The following RTN4RL1 variants were observed in gnomAD, a reference collection of about 807,000 sequenced individuals.
The protein encoded by RTN4RL1 is reticulon 4 receptor like 1, also known as reticulon-4 receptor-like 1.
RTN4RL1 carries 7 observed loss-of-function variants against 25.6 expected under a neutral mutation model. That is an observed-to-expected ratio of 0.27 (90% CI 0.16 to 0.51). RTN4RL1 has a LOEUF of 0.51. Among genes scored for constraint, RTN4RL1 ranks in the 20% least tolerant of loss-of-function variants. The pLI, the probability that RTN4RL1 is intolerant of heterozygous loss-of-function variation, is 0.97. For missense variants in RTN4RL1, 500 were observed against 615.6 expected, an observed-to-expected ratio of 0.81 and a Z score of 1.99; for synonymous variants, 297 against 288.2, an observed-to-expected ratio of 1.03 and a Z score of -0.31.
chr17:1,946,161 G>A (rs1915533852), intron 1 of RTN4RL1, among the ~76,000 whole-genome samples: 1 of 152,216 alleles, frequency 6.6e-6, no homozygotes, highest in Non-Finnish European at 1.5e-5. Flanking sequence ...GGTTTTCCAG[G>A]ATGTGTGGGA....
chr17:1,971,255 C>A (rs1197812286), intron 1 of RTN4RL1, among the ~76,000 whole-genome samples: 1 of 152,106 alleles, frequency 6.6e-6, no homozygotes, highest in Non-Finnish European at 1.5e-5. Flanking sequence ...TTCACATGCT[C>A]TCTCTCCTGT....
At chr17:2,022,207 T>C (rs967225329) in intron 1 of RTN4RL1, among the ~76,000 whole-genome samples, 5 of 152,050 alleles carry the variant, frequency 3.3e-5, no homozygotes, top group African/African-American at 4.8e-5. Flanking sequence ...TCCTAGCTAC[T>C]TGGGAGGCTG....
At chr17:1,941,165 A>G (rs1915430667) in intron 1 of RTN4RL1, among the ~76,000 whole-genome samples, 1 of 152,186 alleles carries the variant, frequency 6.6e-6, no homozygotes, top group Non-Finnish European at 1.5e-5. Context: ...TCCAGGATGC[A>G]GTTCTCTGAA....
intron 1 of RTN4RL1, among the ~76,000 whole-genome samples, chr17:1,999,504 A>G (rs1462328789): frequency 6.6e-6 from 1 of 151,984 alleles, no homozygotes; most frequent in Non-Finnish European, 1.5e-5. Context: ...CTATCCACGT[A>G]TGTGCACATG....
Position 1,935,508 on chromosome 17 carries a change from T to C in RTN4RL1, c.*988A>G. The C allele has an allele frequency of 1.0e-6, 1 of 984,508 alleles. No individual in the cohort carries two copies. Among genetic ancestry groups the C allele is most frequent in the South Asian group, 4.7e-5 (1 of 21,254 alleles). 61.0% of individuals were successfully genotyped at this position (984,508 alleles called of 1,614,324 possible). ...CCTTCCTCACCGTCCCGCCGACACC[T>C]TGCCCCAGGCCCTTGGCAAGGCCAG... On this transcript the variant is annotated 3_prime_UTR_variant, in exon 2 of 2. Coordinates refer to ENST00000331238, the MANE Select transcript of RTN4RL1 (RefSeq NM_178568.4).
At chr17:1,954,383 C>CTTTT (rs55654151) in intron 1 of RTN4RL1, among the ~76,000 whole-genome samples, 70 of 124,320 alleles carry the variant, frequency 5.6e-4, no homozygotes, top group African/African-American at 1.1e-3. Flanking sequence ...TGCTTCCTTC[C>CTTTT]TTTTTTTTTT....
In RTN4RL1 at chr17:1,935,709, GTGTATATATATATATATA is replaced by G; in HGVS notation, c.*769_*786del. ...GGAGTGGGAGGGGGACTGTGCATTT[GTGTATATATATATATATA>G]TATATATATATATATATATATATAT... On this transcript the variant is annotated 3_prime_UTR_variant, in exon 2 of 2. Transcript: ENST00000331238. 2 of 199,204 alleles carry G rather than the reference GTGTATATATATATATATA, an allele frequency of 1.0e-5. No homozygotes were observed. Among genetic ancestry groups the G allele is most frequent in the Non-Finnish European group, 7.0e-6 (1 of 143,670 alleles). The allele number at this position is 199,204 out of a possible 1,614,324, so 12.3% of individuals were successfully genotyped here. A position where few individuals can be genotyped will look rare whatever the true frequency, so the allele number is the denominator to read the frequency against.
intron 1 of RTN4RL1, among the ~76,000 whole-genome samples, chr17:1,981,681 C>T (rs913973934): frequency 6.6e-6 from 1 of 152,202 alleles, no homozygotes; most frequent in African/African-American, 2.4e-5. Context: ...CGTGCTGGTA[C>T]ACACTGCCCT....
At chr17:2,008,855 CT>C (rs889718109) in intron 1 of RTN4RL1, among the ~76,000 whole-genome samples, 1 of 152,100 alleles carries the variant, frequency 6.6e-6, no homozygotes, top group African/African-American at 2.4e-5. Flanking sequence ...CGCCTTCCCC[CT>C]GGCTTGAAAG....
intron 1 of RTN4RL1, among the ~76,000 whole-genome samples, chr17:1,977,228 C>A (rs1159230672): frequency 1.3e-5 from 2 of 152,184 alleles, no homozygotes. Context: ...ACGGGCGAGA[C>A]GCTGGGAAGG....
chr17:1,951,483 GCT>G (rs1915678554), intron 1 of RTN4RL1, among the ~76,000 whole-genome samples: 1 of 151,108 alleles, frequency 6.6e-6, no homozygotes, highest in South Asian at 2.1e-4. Context: ...ACAGAGTCTC[GCT>G]CTGTCTCACA....
rs1915345966 is a variant in RTN4RL1, at chr17:1,937,878, G to GC, written c.14-71dup. The stretch of plus-strand genomic sequence containing the variant: ...GAGGACTGGCACCGCACCCTCCGGC[G>GC]CCCGCCGAGGACGCATCCTCGTCTT... On this transcript the variant is annotated intron_variant, in intron 1 of 1. Transcript: ENST00000331238. The GC allele has an allele frequency of 2.4e-6, 3 of 1,230,228 alleles. No individual in the cohort carries two copies. In the South Asian group the frequency reaches 4.3e-5, roughly 18 times the overall value. The allele number at this position is 1,230,228 out of a possible 1,614,324, so 76.2% of individuals were successfully genotyped here.
intron 1 of RTN4RL1, among the ~76,000 whole-genome samples, chr17:1,953,252 CA>C (rs1452797633): frequency 2.6e-5 from 4 of 151,174 alleles, no homozygotes; most frequent in Non-Finnish European, 4.4e-5. Context: ...ACAAAAAATA[CA>C]AAATCAGCTG....
At chr17:2,023,797 A>T (rs1408352000) in intron 1 of RTN4RL1, 1 of 151,878 alleles carries the variant, frequency 6.6e-6, no homozygotes, top group Non-Finnish European at 1.5e-5. Flanking sequence ...GGGGCGGATT[A>T]AGGCTGGAGC....
At chr17:1,989,171 G>A (rs1019365032) in intron 1 of RTN4RL1, among the ~76,000 whole-genome samples, 12 of 152,072 alleles carry the variant, frequency 7.9e-5, no homozygotes, top group African/African-American at 2.7e-4. Flanking sequence ...TAGCGGCGGC[G>A]GGGGAAACGG....
intron 1 of RTN4RL1, among the ~76,000 whole-genome samples, chr17:1,961,547 G>A (rs1034793870): frequency 6.6e-6 from 1 of 152,020 alleles, no homozygotes; most frequent in African/African-American, 2.4e-5. Context: ...TGAGAGGAAA[G>A]AAAGGGTGGA....
chr17:1,984,611 A>G (rs1435241493), intron 1 of RTN4RL1, among the ~76,000 whole-genome samples: 1 of 152,192 alleles, frequency 6.6e-6, no homozygotes, highest in East Asian at 1.9e-4. Flanking sequence ...CAACTTGAGA[A>G]TTCTGATCCT....
At chr17:2,019,755 G>A (rs909694557) in intron 1 of RTN4RL1, 3 of 152,250 alleles carry the variant, frequency 2.0e-5, no homozygotes, top group African/African-American at 7.2e-5. Flanking sequence ...CTCCTACTGT[G>A]GAGGAACGAG....
intron 1 of RTN4RL1, among the ~76,000 whole-genome samples, chr17:1,995,129 C>T (rs1049565653): frequency 6.6e-6 from 1 of 152,022 alleles, no homozygotes; most frequent in Non-Finnish European, 1.5e-5. Context: ...AAAAGGTAGG[C>T]ATGGGGCCGA....
Sources: gnomAD v4.1 joint callset for allele counts (sites outside exome capture counted in the v4.1 genomes callset) on GRCh38, gnomAD v4.1.1 for gene constraint, MANE v1.5 for transcripts, NCBI Gene and HGNC (gene_info 2026-07-23, HGNC 2026-07-21) for gene names.